RBFOX1: variants seen among roughly 807,000 people sequenced by gnomAD.
RBFOX1 encodes the protein RNA binding fox-1 homolog 1, also known as RNA binding protein fox-1 homolog 1.
RBFOX1 carries 8 observed loss-of-function variants against 57.7 expected under a neutral mutation model. That is an observed-to-expected ratio of 0.14 (90% CI 0.08 to 0.25). The LOEUF (loss-of-function observed/expected upper bound fraction) is 0.25, where lower values mean the gene tolerates loss of function less well. Ranked by LOEUF, RBFOX1 falls within the 10% of genes least tolerant of loss-of-function variation. The probability of loss-of-function intolerance (pLI) is 1.00; values close to 1 mark genes in which losing one functional copy is unlikely to be tolerated. For synonymous variants in RBFOX1, 326 were observed against 222.4 expected (o/e 1.47, Z -4.15); for missense variants, 611 against 548.5 (o/e 1.11, Z -1.14).
intron 3 of RBFOX1, among the ~76,000 whole-genome samples, chr16:6,916,933 T>C (rs1317139569): frequency 6.6e-6 from 1 of 152,180 alleles, no homozygotes; most frequent in Admixed American, 6.6e-5. Flanking sequence ...CACTGCAACC[T>C]CCACCTTCCA....
At chr16:6,039,616 C>G (rs911488495) in intron 1 of RBFOX1, among the ~76,000 whole-genome samples, 1 of 152,136 alleles carries the variant, frequency 6.6e-6, no homozygotes, top group Non-Finnish European at 1.5e-5. Flanking sequence ...TTCCTAGGCC[C>G]CAGTTTGACA....
intron 2 of RBFOX1, among the ~76,000 whole-genome samples, chr16:6,346,662 G>A (rs1184639865): frequency 6.6e-6 from 1 of 152,218 alleles, no homozygotes; most frequent in East Asian, 1.9e-4. Flanking sequence ...AACTCTGTTA[G>A]ATTTAATTTG....
chr16:6,623,399 A>C (rs985657940), intron 2 of RBFOX1, among the ~76,000 whole-genome samples: 16 of 151,434 alleles, frequency 1.1e-4, no homozygotes, highest in African/African-American at 3.9e-4. Context: ...CTTTCATGCA[A>C]CCCCTGGTAC....
chr16:6,249,576 G>C (rs996907106), intron 1 of RBFOX1, among the ~76,000 whole-genome samples: 3 of 152,036 alleles, frequency 2.0e-5, no homozygotes, highest in African/African-American at 7.2e-5. Context: ...TGGTATTTTA[G>C]AGGACCTGAA....
intron 4 of RBFOX1, among the ~76,000 whole-genome samples, chr16:7,501,350 A>G (rs1232430701): frequency 1.3e-5 from 2 of 152,222 alleles, no homozygotes; most frequent in African/African-American, 2.4e-5. Flanking sequence ...TTCCATTCAT[A>G]AGACAAAGGA....
chr16:7,189,942 C>T (rs1488912866), intron 4 of RBFOX1, among the ~76,000 whole-genome samples: 1 of 152,166 alleles, frequency 6.6e-6, no homozygotes, highest in Non-Finnish European at 1.5e-5. Flanking sequence ...TTGGGCAAGA[C>T]ATCAATTAGT....
rs549276925 is a variant in RBFOX1 at position 5,768,361 on chromosome 16, C to A, written c.319-98942C>A. On this transcript the variant is annotated intron_variant, in intron 3 of 19. Coordinates refer to the RBFOX1 transcript ENST00000641259. ...AGGCTGCTGAAATGTTAGAGTCCTACGGCTGTTTTTTTCTTTTGCATATTA... is the reference window on the plus strand; with the variant it reads ...AGGCTGCTGAAATGTTAGAGTCCTAAGGCTGTTTTTTTCTTTTGCATATTA... Among the ~76,000 whole-genome samples, 27 of 152,252 alleles carry A rather than the reference C, an allele frequency of 1.8e-4. 1 individual carries two copies. Among genetic ancestry groups the A allele is most frequent in the Admixed American group, 1.0e-3 (16 of 15,280 alleles).
Position 6,666,558 on chromosome 16 carries a change from AC to A in RBFOX1, c.-16+11909del, listed in dbSNP as rs374363843. ...CTGTCTCCAAAAAAAAAAAAAAAAA[AC>A]AAATCATGTCACTGAGGTCACCCAG... On this transcript the variant is annotated intron_variant, in intron 3 of 15. Transcript: ENST00000550418. Among the ~76,000 whole-genome samples, 417 of 124,350 alleles carry A rather than the reference AC, an allele frequency of 3.4e-3. 1 individual carries two copies. Among genetic ancestry groups the A allele is most frequent in the East Asian group, 0.022 (81 of 3,602 alleles). The allele number at this position is 124,350 out of a possible 152,430, so 81.6% of individuals were successfully genotyped here.
intron 4 of RBFOX1, among the ~76,000 whole-genome samples, chr16:7,285,675 C>T (rs980354130): frequency 6.6e-6 from 1 of 152,042 alleles, no homozygotes; most frequent in African/African-American, 2.4e-5. Flanking sequence ...AACGTAATTC[C>T]CTGGAGACTC....
At chr16:6,798,275 C>T (rs1354287373) in intron 3 of RBFOX1, among the ~76,000 whole-genome samples, 1 of 152,028 alleles carries the variant, frequency 6.6e-6, no homozygotes, top group Non-Finnish European at 1.5e-5. Flanking sequence ...TTACATGCTT[C>T]CTGAATCTGC....
chr16:7,611,902 C>T (rs994203395), intron 10 of RBFOX1, among the ~76,000 whole-genome samples: 8 of 152,296 alleles, frequency 5.3e-5, no homozygotes, highest in African/African-American at 1.4e-4. Context: ...TACATCAGCA[C>T]ATCCCATGAC....
intron 2 of RBFOX1, among the ~76,000 whole-genome samples, chr16:5,468,463 C>G (rs1423517285): frequency 6.6e-6 from 1 of 152,142 alleles, no homozygotes; most frequent in African/African-American, 2.4e-5. Context: ...CCTTTTGTGT[C>G]TGGCTTCTTT....
chr16:5,560,086 C>T (rs1325256587), intron 2 of RBFOX1, among the ~76,000 whole-genome samples: 1 of 152,134 alleles, frequency 6.6e-6, no homozygotes, highest in Non-Finnish European at 1.5e-5. Flanking sequence ...ATGAAAATGG[C>T]CAACACATAT....
At chr16:5,578,464 A>G (rs1439329978) in intron 2 of RBFOX1, among the ~76,000 whole-genome samples, 1 of 152,218 alleles carries the variant, frequency 6.6e-6, no homozygotes, top group African/African-American at 2.4e-5. Flanking sequence ...AAAGCCCACC[A>G]GGAAAAACCC....
intron 14 of RBFOX1, among the ~76,000 whole-genome samples, chr16:7,687,813 T>A (rs905653276): frequency 1.3e-5 from 2 of 151,940 alleles, no homozygotes; most frequent in African/African-American, 2.4e-5. Flanking sequence ...GACACAACTG[T>A]TTCCTGAAGA....
intron 3 of RBFOX1, among the ~76,000 whole-genome samples, chr16:5,770,926 C>T (rs961822838): frequency 1.3e-5 from 2 of 152,176 alleles, no homozygotes; most frequent in Non-Finnish European, 2.9e-5. Flanking sequence ...CAGGCACAAC[C>T]AGTTATTCCA....
chr16:6,789,944 A>G (rs1017492367), intron 3 of RBFOX1, among the ~76,000 whole-genome samples: 2 of 151,070 alleles, frequency 1.3e-5, no homozygotes, highest in Non-Finnish European at 3.0e-5. Context: ...CTCTTCCCTA[A>G]CTTATTGATT....
intron 2 of RBFOX1, among the ~76,000 whole-genome samples, chr16:6,623,697 T>C (rs1251975001): frequency 6.6e-6 from 1 of 152,098 alleles, no homozygotes; most frequent in African/African-American, 2.4e-5. Flanking sequence ...ATGCGGTGTT[T>C]GGTTTTTTGT....
chr16:5,697,863 T>G (rs1164780525), intron 3 of RBFOX1, among the ~76,000 whole-genome samples: 1 of 152,184 alleles, frequency 6.6e-6, no homozygotes. Context: ...TTAAGCATGA[T>G]CTTTGCAATA....
Sources: allele counts gnomAD v4.1 joint callset (sites outside exome capture counted in the v4.1 genomes callset), GRCh38; gene constraint gnomAD v4.1.1; transcripts MANE v1.5; gene names NCBI Gene and HGNC (gene_info 2026-07-23, HGNC 2026-07-21).